The following CPA6 variants were observed in gnomAD, a reference collection of about 807,000 sequenced individuals.
CPA6 encodes carboxypeptidase A6.
In CPA6, 58 loss-of-function variants were observed where a neutral mutation model predicts 63.3. The ratio of observed to expected loss-of-function variants is 0.92; its 90% CI spans 0.74 to 1.14. The LOEUF is 1.14. Ranked by LOEUF, CPA6 falls within the 50% of genes most tolerant of loss-of-function variation. The pLI, the probability that CPA6 is intolerant of heterozygous loss-of-function variation, is 0.00. For synonymous variants in CPA6, 185 were observed against 179.0 expected (o/e 1.03, Z -0.27); for missense variants, 565 against 526.6 (o/e 1.07, Z -0.71).
chr8:67,451,649 C>T (rs2128955792), intron 8 of CPA6, among the ~76,000 whole-genome samples: 1 of 152,292 alleles, frequency 6.6e-6, no homozygotes, highest in South Asian at 2.1e-4. Flanking sequence ...TCCCTGGTGC[C>T]ACAAAGGTTG....
chr8:67,680,486 A>AT (rs1388232046), intron 1 of CPA6, among the ~76,000 whole-genome samples: 4 of 137,950 alleles, frequency 2.9e-5, no homozygotes, highest in Non-Finnish European at 4.8e-5. Context: ...GACCCTCTGT[A>AT]TTTAAAAAAA....
chr8:67,580,961 C>T (rs894296165), intron 2 of CPA6, among the ~76,000 whole-genome samples: 2 of 151,994 alleles, frequency 1.3e-5, no homozygotes, highest in Admixed American at 6.6e-5. Flanking sequence ...GTATAGTCAC[C>T]CCCAAGTGTT....
chr8:67,507,473 A>G (rs529072504), intron 5 of CPA6, among the ~76,000 whole-genome samples: 17 of 152,184 alleles, frequency 1.1e-4, no homozygotes, highest in Non-Finnish European at 2.5e-4. Context: ...ATCCTACCAT[A>G]TCAATATTAC....
chr8:67,558,103 G>C (rs1280287071), intron 2 of CPA6, among the ~76,000 whole-genome samples: 1 of 152,106 alleles, frequency 6.6e-6, no homozygotes, highest in Non-Finnish European at 1.5e-5. Context: ...AGCCAGACAA[G>C]CTTTGTTTAT....
chr8:67,491,142 T>C (rs1811595836), intron 6 of CPA6, among the ~76,000 whole-genome samples: 1 of 150,968 alleles, frequency 6.6e-6, no homozygotes, highest in African/African-American at 2.4e-5. Flanking sequence ...GGCACCAAAA[T>C]GGGTGCATCT....
chr8:67,642,166 G>C (rs1815606332), intron 1 of CPA6, among the ~76,000 whole-genome samples: 1 of 152,054 alleles, frequency 6.6e-6, no homozygotes, highest in East Asian at 1.9e-4. Flanking sequence ...AAAAATACAA[G>C]AATTAGCTGG....
intron 1 of CPA6, among the ~76,000 whole-genome samples, chr8:67,645,304 T>A (rs747409317): frequency 1.3e-5 from 2 of 152,200 alleles, no homozygotes; most frequent in Non-Finnish European, 2.9e-5. Context: ...CAACCTCACT[T>A]TTTCTGTCAC....
intron 8 of CPA6, among the ~76,000 whole-genome samples, chr8:67,456,651 A>G (rs1198032635): frequency 6.6e-6 from 1 of 152,192 alleles, no homozygotes; most frequent in Non-Finnish European, 1.5e-5. Context: ...TTTGCTCTAT[A>G]TCCCTTGTGG....
chr8:67,428,999 T>C (rs996138358), intron 9 of CPA6, among the ~76,000 whole-genome samples: 1 of 152,184 alleles, frequency 6.6e-6, no homozygotes, highest in African/African-American at 2.4e-5. Context: ...ATGTACAAGG[T>C]ATTTAGAACA....
intron 1 of CPA6, among the ~76,000 whole-genome samples, chr8:67,698,997 T>A (rs1816964999): frequency 6.6e-6 from 1 of 152,150 alleles, no homozygotes; most frequent in Admixed American, 6.5e-5. Context: ...TGCAATCCAC[T>A]ACATAGTTGG....
chr8:67,452,121 A>G (rs1486549373), intron 8 of CPA6, among the ~76,000 whole-genome samples: 1 of 152,224 alleles, frequency 6.6e-6, no homozygotes, highest in African/African-American at 2.4e-5. Flanking sequence ...CAAAGAATCA[A>G]TGGAGGGAGA....
chr8:67,561,762 T>C (rs181982412), intron 2 of CPA6, among the ~76,000 whole-genome samples: 1 of 152,298 alleles, frequency 6.6e-6, no homozygotes, highest in African/African-American at 2.4e-5. Flanking sequence ...AGAATGTCCT[T>C]GTTTAAAGGA....
chr8:67,521,461 G>A (rs11984610), intron 2 of CPA6, among the ~76,000 whole-genome samples: 4,116 of 152,296 alleles, frequency 0.027, 180 homozygotes, highest in African/African-American at 0.092. Context: ...GGCTTTCTTG[G>A]AGGATTAATT....
intron 1 of CPA6, among the ~76,000 whole-genome samples, chr8:67,729,347 T>A (rs998279079): frequency 2.0e-5 from 3 of 152,260 alleles, no homozygotes; most frequent in African/African-American, 7.2e-5. Flanking sequence ...TTTTCAGAGT[T>A]AAAGTTTATA....
At chr8:67,657,661 A>G (rs1485037297) in intron 1 of CPA6, among the ~76,000 whole-genome samples, 2 of 152,238 alleles carry the variant, frequency 1.3e-5, no homozygotes, top group Non-Finnish European at 2.9e-5. Flanking sequence ...CTTTAAACCT[A>G]GAAGGTTCTA....
At chr8:67,523,718 C>T (rs1352158398) in intron 2 of CPA6, among the ~76,000 whole-genome samples, 1 of 152,220 alleles carries the variant, frequency 6.6e-6, no homozygotes, top group Non-Finnish European at 1.5e-5. Flanking sequence ...CTGAGAAGCA[C>T]TTGCCTATCT....
intron 1 of CPA6, among the ~76,000 whole-genome samples, chr8:67,711,720 C>CACACACACACACACACAT (rs764510531): frequency 6.5e-4 from 98 of 151,150 alleles, no homozygotes; most frequent in African/African-American, 2.1e-3. Context: ...CACACACACA[C>CACACACACACACACACAT]ACATCTGAAA....
chr8:67,686,383 T>C (rs1436986717), intron 1 of CPA6, among the ~76,000 whole-genome samples: 2 of 152,218 alleles, frequency 1.3e-5, no homozygotes, highest in Non-Finnish European at 2.9e-5. Context: ...AGTAAATTAC[T>C]CAACTTTCAT....
intron 2 of CPA6, among the ~76,000 whole-genome samples, chr8:67,541,855 G>T (rs905640176): frequency 6.6e-6 from 1 of 152,192 alleles, no homozygotes; most frequent in Non-Finnish European, 1.5e-5. Context: ...CCAATGAGAG[G>T]AACCAGGTAC....
Sources: gnomAD v4.1 joint callset for allele counts (sites outside exome capture counted in the v4.1 genomes callset) on GRCh38, gnomAD v4.1.1 for gene constraint, MANE v1.5 for transcripts, NCBI Gene and HGNC (gene_info 2026-07-23, HGNC 2026-07-21) for gene names.